Variants in LARP4B observed in about 807,000 individuals in gnomAD.
LARP4B encodes La ribonucleoprotein 4B.
In LARP4B, 12 loss-of-function variants were observed where a neutral mutation model predicts 89.8. The observed-to-expected ratio is 0.13, with a 90% CI of 0.09 to 0.22. The LOEUF is 0.22. LARP4B is among the 10% of genes least tolerant of loss of function. The pLI, the probability that LARP4B is intolerant of heterozygous loss-of-function variation, is 1.00. For missense variants in LARP4B, 757 were observed against 947.7 expected, an observed-to-expected ratio of 0.80 and a Z score of 2.64; for synonymous variants, 367 against 363.3, an observed-to-expected ratio of 1.01 and a Z score of -0.12.
At chr10:861,902 T>C (rs1834632296) in intron 5 of LARP4B, among the ~76,000 whole-genome samples, 2 of 152,236 alleles carry the variant, frequency 1.3e-5, no homozygotes, top group Non-Finnish European at 1.5e-5. Flanking sequence ...CAATGTATAA[T>C]GCCTTTTTAT....
At chr10:935,041 C>G (rs117339259), upstream of LARP4B, among the ~76,000 whole-genome samples, 2,125 of 152,346 alleles carry the variant, frequency 0.014, 22 homozygotes, top group Non-Finnish European at 0.018. Context: ...ACCCTTCACA[C>G]GCTAGTCCCA....
chr10:848,657 C>T (rs1189476100), intron 5 of LARP4B, among the ~76,000 whole-genome samples: 1 of 151,232 alleles, frequency 6.6e-6, no homozygotes, highest in African/African-American at 2.4e-5. Flanking sequence ...GTAAACATTA[C>T]AGCAGACTCG....
chr10:970,755 C>A, the LARP4B span, among the ~76,000 whole-genome samples: 1 of 151,866 alleles, frequency 6.6e-6, no homozygotes, highest in Non-Finnish European at 1.5e-5. Flanking sequence ...ACTGTAAGAC[C>A]GGACTGAGCA....
intron 5 of LARP4B, among the ~76,000 whole-genome samples, chr10:850,306 C>T (rs529389845): frequency 6.6e-6 from 1 of 152,242 alleles, no homozygotes; most frequent in East Asian, 1.9e-4. Flanking sequence ...TTATTAAATA[C>T]ACAAATAGCT....
intron 3 of LARP4B, among the ~76,000 whole-genome samples, chr10:874,277 T>C (rs1835365064): frequency 6.6e-6 from 1 of 151,918 alleles, no homozygotes; most frequent in Admixed American, 6.6e-5. Context: ...AATGTGGCGA[T>C]GGGTAATGTT....
At chr10:981,965 G>A in the LARP4B span, among the ~76,000 whole-genome samples, 1 of 152,164 alleles carries the variant, frequency 6.6e-6, no homozygotes. Context: ...AACAGATAAT[G>A]TCTGAAATTG....
In LARP4B at chr10:814,434, G is replaced by A. The variant is rs1372770510; in HGVS notation, c.1929+308C>T. 2.3e-6 allele frequency: 1 copy of A among 433,692 alleles called. No individual in the cohort carries two copies. The highest frequency in any genetic ancestry group is 4.4e-6 in the Non-Finnish European group (1 of 224,798). The allele number at this position is 433,692 out of a possible 1,614,324, so 26.9% of individuals were successfully genotyped here. ...GCAAACATACACACACGCGCGAAAT[G>A]CTGAAATGATCCTAAAGTCTATGGA... On this transcript the variant is annotated intron_variant, in intron 17 of 17. Transcript: ENST00000316157. The surrounding 1 kb of genome is among the most constrained non-coding windows in gnomAD (Gnocchi z 4.4).
chr10:974,476 T>A, the LARP4B span, among the ~76,000 whole-genome samples: 1 of 152,188 alleles, frequency 6.6e-6, no homozygotes, highest in Non-Finnish European at 1.5e-5. Flanking sequence ...TCAGCTTCCT[T>A]CATTGTTCCG....
At chr10:960,446 C>T in the LARP4B span, among the ~76,000 whole-genome samples, 3 of 152,002 alleles carry the variant, frequency 2.0e-5, no homozygotes, top group Non-Finnish European at 2.9e-5. Flanking sequence ...GTGGCTCACT[C>T]CTGTAATCCC....
At chr10:967,893 G>T in the LARP4B span, among the ~76,000 whole-genome samples, 1 of 152,124 alleles carries the variant, frequency 6.6e-6, no homozygotes, top group Non-Finnish European at 1.5e-5. Flanking sequence ...GTAGAAACAG[G>T]GTTTCAACAT....
intron 5 of LARP4B, among the ~76,000 whole-genome samples, chr10:851,176 C>G (rs1456436467): frequency 1.3e-5 from 2 of 148,956 alleles, no homozygotes; most frequent in African/African-American, 4.9e-5. Context: ...AATGAAAACA[C>G]TAACTTTTTT....
intron 5 of LARP4B, among the ~76,000 whole-genome samples, chr10:851,966 T>A (rs1007912778): frequency 1.3e-5 from 2 of 152,132 alleles, no homozygotes; most frequent in African/African-American, 4.8e-5. Context: ...CTTGGGAGGC[T>A]AAGGCGGGAG....
At chr10:839,890 A>T (rs1020366173) in intron 7 of LARP4B, among the ~76,000 whole-genome samples, 14 of 152,220 alleles carry the variant, frequency 9.2e-5, no homozygotes, top group African/African-American at 3.4e-4. Context: ...GCAATAACCT[A>T]AATGTCTATA....
At chr10:974,500 T>A in the LARP4B span, among the ~76,000 whole-genome samples, 1 of 152,172 alleles carries the variant, frequency 6.6e-6, no homozygotes, top group East Asian at 1.9e-4. Context: ...CTCGGTTTCC[T>A]TATCTATAAA....
chr10:906,549 G>A lies in LARP4B; in HGVS notation c.-39-20789C>T, dbSNP rs116095513. On this transcript the variant is annotated intron_variant, in intron 1 of 17. Transcript: ENST00000316157. Reference sequence around the variant, plus strand: ...AGCGTTGATCCTGGTGACAGGCCACGGTATGTGTGCAAAGGAGTCTACCTC... The same window carrying A: ...AGCGTTGATCCTGGTGACAGGCCACAGTATGTGTGCAAAGGAGTCTACCTC... Among the ~76,000 whole-genome samples, 749 of 151,650 alleles carry A rather than the reference G, an allele frequency of 4.9e-3. 5 individuals are homozygous for A. Among genetic ancestry groups the A allele is most frequent in the African/African-American group, 0.017 (703 of 41,348 alleles).
the LARP4B span, among the ~76,000 whole-genome samples, chr10:966,508 C>G: frequency 6.6e-6 from 1 of 152,224 alleles, no homozygotes; most frequent in African/African-American, 2.4e-5. Context: ...ACAAAAGGAA[C>G]AGAAGAGGAG....
chr10:881,003 A>G (rs1013745703), intron 3 of LARP4B, among the ~76,000 whole-genome samples: 4 of 152,200 alleles, frequency 2.6e-5, no homozygotes, highest in Admixed American at 1.3e-4. Flanking sequence ...AGGGAAAAGC[A>G]GGTACTTGGC....
chr10:939,073 G>A, the LARP4B span, among the ~76,000 whole-genome samples: 1 of 152,256 alleles, frequency 6.6e-6, no homozygotes, highest in Middle Eastern at 3.2e-3. Context: ...ATAGTAATGA[G>A]ATGAAGGATT....
In LARP4B at chr10:842,694, C is replaced by T. The variant is rs1416153550; in HGVS notation, c.646+238G>A. 2.6e-5 allele frequency among the ~76,000 whole-genome samples: 4 copies of T among 152,108 alleles called. No individual in the cohort carries two copies. The South Asian group carries it at 6.2e-4, about 24-fold the overall frequency. ...TCCCCATTAACAAGATTCTTTTCTA[C>T]TTCATATGTCCCAAAACTTGTTTGA... On this transcript the variant is annotated intron_variant, in intron 7 of 17. Transcript: ENST00000316157.
Sources: allele counts gnomAD v4.1 joint callset (sites outside exome capture counted in the v4.1 genomes callset), GRCh38; gene constraint gnomAD v4.1.1; non-coding constraint Gnocchi (gnomAD v3.1); transcripts MANE v1.5; gene names NCBI Gene and HGNC (gene_info 2026-07-23, HGNC 2026-07-21).